NPHP4: variants seen among roughly 807,000 people sequenced by gnomAD.
NPHP4 encodes the protein nephrocystin 4.
A neutral mutation model predicts 155.8 loss-of-function variants in NPHP4; 151 were observed. The observed-to-expected ratio is 0.97, with a 90% confidence interval of 0.85 to 1.11. The LOEUF is 1.11. NPHP4 is among the 50% of genes least tolerant of loss of function. The pLI is 0.00. For synonymous variants in NPHP4, 845 were observed against 816.8 expected (o/e 1.03, Z -0.59); for missense variants, 1,956 against 1,925.7 (o/e 1.02, Z -0.29).
chr1:5,931,397 T>C (rs1296321166), intron 10 of NPHP4, among the ~76,000 whole-genome samples: 1 of 127,446 alleles, frequency 7.8e-6, no homozygotes, highest in African/African-American at 3.2e-5. Flanking sequence ...TAATAGCATA[T>C]GTCTAAAAAA....
rs532817231 is a variant in NPHP4 at position 5,980,245 on chromosome 1, C to T, written c.136-1832G>A. Among the ~76,000 whole-genome samples the T allele has an allele frequency of 9.2e-5, 14 of 152,340 alleles. No homozygotes were observed. In the South Asian group the frequency reaches 2.9e-3, roughly 32 times the overall value. On this transcript the variant is annotated intron_variant, in intron 2 of 29. Transcript: ENST00000378156. ...AGGTGGCCTGTGGGACATGGCCTAC[C>T]CCTCGTCTTGGGAGCCCTGAGTAAC...
At chr1:5,951,903 C>T (rs1648146598) in intron 7 of NPHP4, among the ~76,000 whole-genome samples, 1 of 152,204 alleles carries the variant, frequency 6.6e-6, no homozygotes, top group South Asian at 2.1e-4. Context: ...TGGGACGGAG[C>T]CGGAGAGGAA....
intron 23 of NPHP4, among the ~76,000 whole-genome samples, chr1:5,868,750 T>C (rs565249342): frequency 2.5e-3 from 228 of 93,008 alleles, no homozygotes; most frequent in African/African-American, 9.2e-3. Flanking sequence ...CACCCACACA[T>C]GTACACATAT....
intron 5 of NPHP4, 76 bp from the exon 6 acceptor site, chr1:5,962,025 G>C (rs770686973): frequency 1.1e-4 from 122 of 1,152,118 alleles, no homozygotes; most frequent in Admixed American, 5.2e-4. Flanking sequence ...CCAATTAACA[G>C]AGAATGTTAG....
At chr1:5,887,548 C>A (rs374960999) in intron 17 of NPHP4, 82 bp from the exon 18 acceptor site, 4 of 1,459,228 alleles carry the variant, frequency 2.7e-6, no homozygotes, top group Middle Eastern at 1.8e-4. Flanking sequence ...GGCTGCTCCC[C>A]AGCCCAGCAG....
intron 6 of NPHP4, among the ~76,000 whole-genome samples, 175 bp downstream of exon 6, chr1:5,961,619 A>G (rs1650327659): frequency 1.3e-5 from 2 of 152,136 alleles, no homozygotes; most frequent in Admixed American, 6.5e-5. Context: ...CGGAAACTAG[A>G]CTGCCATTCC....
At chr1:5,980,674 A>T (rs1654533488) in intron 2 of NPHP4, among the ~76,000 whole-genome samples, 1 of 152,012 alleles carries the variant, frequency 6.6e-6, no homozygotes, top group Non-Finnish European at 1.5e-5. Context: ...CTGCGTGGTC[A>T]TGAAGGGAGA....
chr1:5,958,975 CCAAACA>C (rs1649785746), intron 6 of NPHP4, among the ~76,000 whole-genome samples: 1 of 149,984 alleles, frequency 6.7e-6, no homozygotes, highest in African/African-American at 2.5e-5. Flanking sequence ...CACTGGCACC[CCAAACA>C]CAACAGAAAG....
intron 16 of NPHP4, among the ~76,000 whole-genome samples, chr1:5,904,361 T>C (rs1644811941): frequency 6.6e-6 from 1 of 152,242 alleles, no homozygotes; most frequent in Admixed American, 6.5e-5. Context: ...TAGATATACA[T>C]AAGGAAATAT....
Position 5,877,259 on chromosome 1 carries a change from T to C in NPHP4, c.2651A>G (p.Asp884Gly), listed in dbSNP as rs1642710907. The C allele has an allele frequency of 1.2e-6, 2 of 1,606,042 alleles. No individual in the cohort carries two copies. The highest frequency in any genetic ancestry group is 8.5e-7 in the Non-Finnish European group (1 of 1,174,030). The change falls in exon 20 of 30, where the codon GAC becomes GGC. Residue 884 changes from aspartate (D) to glycine (G), a missense_variant. Transcript: ENST00000378156. The part of the protein sequence containing the change: ...VVQAQKLADV[D>G]SELAAMLLTH... Reference sequence around the variant, plus strand: ...CAGTAGCATGGCAGCCAGCTCACTGTCCACGTCCGCCAGCTTCTGTGCTTG... The same window carrying C: ...CAGTAGCATGGCAGCCAGCTCACTGCCCACGTCCGCCAGCTTCTGTGCTTG...
Position 5,890,349 on chromosome 1 carries a change from G to C in NPHP4, c.2304+519C>G, listed in dbSNP as rs1386490519. On this transcript the variant is annotated intron_variant, in intron 17 of 29. Coordinates refer to ENST00000378156, the MANE Select transcript of NPHP4 (RefSeq NM_015102.5). This position sits in a 1 kb window ranked among gnomAD's most constrained non-coding sequence, Gnocchi z 4.9. Reference sequence around the variant, plus strand: ...GAGAAGGCTTGGGAAGAATTCCAGGGAAGACGAGTGAAAGAATCCATGGAT... The same window carrying C: ...GAGAAGGCTTGGGAAGAATTCCAGGCAAGACGAGTGAAAGAATCCATGGAT... Among the ~76,000 whole-genome samples, 1 of 152,154 alleles carries C rather than the reference G, an allele frequency of 6.6e-6. No homozygotes were observed. Among genetic ancestry groups the C allele is most frequent in the Non-Finnish European group, 1.5e-5 (1 of 68,018 alleles).
chr1:5,981,966 C>A (rs1207229386), intron 2 of NPHP4, among the ~76,000 whole-genome samples: 3 of 152,158 alleles, frequency 2.0e-5, no homozygotes, highest in Non-Finnish European at 4.4e-5. Context: ...GTGTTCCCTC[C>A]TCCTCTATTT....
At chr1:5,928,063 T>C (rs544925387) in intron 10 of NPHP4, among the ~76,000 whole-genome samples, 3 of 152,314 alleles carry the variant, frequency 2.0e-5, no homozygotes, top group East Asian at 1.9e-4. Flanking sequence ...CATTGACCTA[T>C]GTGAAACTGA....
intron 11 of NPHP4, among the ~76,000 whole-genome samples, chr1:5,920,427 G>T (rs1160697927): frequency 1.3e-5 from 2 of 152,234 alleles, no homozygotes; most frequent in African/African-American, 4.8e-5. Context: ...ATGTGCTCCA[G>T]CTGCTCCTGC....
chr1:5,987,313 A>G (rs759792191), intron 1 of NPHP4, among the ~76,000 whole-genome samples: 4 of 152,202 alleles, frequency 2.6e-5, no homozygotes, highest in Non-Finnish European at 4.4e-5. Context: ...ATGGCGAGTA[A>G]GGAGAAAAAG....
chr1:5,923,975 T>C (rs1030853186), intron 11 of NPHP4, among the ~76,000 whole-genome samples: 34 of 152,200 alleles, frequency 2.2e-4, no homozygotes, highest in Non-Finnish European at 2.2e-4. Flanking sequence ...AAAGTAGTTA[T>C]AACTGTATTT....
At chr1:5,989,997 G>T (rs1352332840) in intron 1 of NPHP4, among the ~76,000 whole-genome samples, 1 of 152,202 alleles carries the variant, frequency 6.6e-6, no homozygotes, top group Non-Finnish European at 1.5e-5. Flanking sequence ...TAGTCTGAGG[G>T]GCCACGGAGG....
intron 3 of NPHP4, among the ~76,000 whole-genome samples, chr1:5,978,043 G>A (rs1329104750): frequency 2.6e-5 from 4 of 151,220 alleles, no homozygotes; most frequent in Non-Finnish European, 5.9e-5. Flanking sequence ...TTCAACCAGA[G>A]CAGAGCAGAG....
At chr1:5,919,730 T>C (rs1157170830) in intron 11 of NPHP4, among the ~76,000 whole-genome samples, 1 of 151,942 alleles carries the variant, frequency 6.6e-6, no homozygotes, top group Non-Finnish European at 1.5e-5. Flanking sequence ...GTTTGTTTGT[T>C]TGTGGGTTTT....
Sources: allele counts gnomAD v4.1 joint callset (sites outside exome capture counted in the v4.1 genomes callset), GRCh38; gene constraint gnomAD v4.1.1; non-coding constraint Gnocchi (gnomAD v3.1); transcripts MANE v1.5; gene names NCBI Gene and HGNC (gene_info 2026-07-23, HGNC 2026-07-21).